MTMR3: variants seen among roughly 807,000 people sequenced by gnomAD.
MTMR3 encodes the protein phosphatidylinositol-3,5-bisphosphate 3-phosphatase MTMR3.
MTMR3 carries 32 observed loss-of-function variants against 132.4 expected under a neutral mutation model. That is an observed-to-expected ratio of 0.24 (90% CI 0.18 to 0.32). The LOEUF (loss-of-function observed/expected upper bound fraction) is 0.32. MTMR3 is among the 10% of genes least tolerant of loss of function. MTMR3 has a pLI of 1.00. For synonymous variants in MTMR3, 556 were observed against 550.3 expected (o/e 1.01, Z -0.14); for missense variants, 1,216 against 1,489.6 (o/e 0.82, Z 3.02).
chr22:29,940,926 T>C (rs1036641909), intron 1 of MTMR3, among the ~76,000 whole-genome samples: 4 of 150,196 alleles, frequency 2.7e-5, no homozygotes, highest in Admixed American at 2.6e-4. Context: ...TTGAAAAATA[T>C]AACACTGACC....
At position 30,008,984 on chromosome 22, in the gene MTMR3, G is replaced by T. The variant is rs777678565; in HGVS notation, c.1010-34G>T. ...TGGCCATGTGGGCTTTAAGTTCAAC[G>T]TATTTGTGTTCTCTTTATTGTTACT... On this transcript the variant is annotated intron_variant, in intron 11 of 19. Coordinates refer to ENST00000401950, the MANE Select transcript of MTMR3 (RefSeq NM_021090.4). 8 of 1,464,816 alleles carry T rather than the reference G, an allele frequency of 5.5e-6. No individual in the cohort carries two copies. In the Admixed American group the frequency reaches 6.7e-5, roughly 12 times the overall value. The allele number at this position is 1,464,816 out of a possible 1,614,324, so 90.7% of individuals were successfully genotyped here.
chr22:29,978,119 A>ACTACCTGTGCACTG (rs2066665605), intron 3 of MTMR3: 2 of 215,070 alleles, frequency 9.3e-6, no homozygotes, highest in Non-Finnish European at 1.9e-5. Context: ...CCTGTGCACT[A>ACTACCTGTGCACTG]CACTACCAGT....
chr22:29,982,435 AGTATTTCAATAAAATATGT>A (rs1036294084), intron 5 of MTMR3: 1 of 152,074 alleles, frequency 6.6e-6, no homozygotes, highest in Non-Finnish European at 1.5e-5. Flanking sequence ...TTAGCAAATA[AGTATTTCAATAAAATATGT>A]GTATTTCAAT....
chr22:29,928,678 T>A (rs1028981183), intron 1 of MTMR3, among the ~76,000 whole-genome samples: 28 of 152,196 alleles, frequency 1.8e-4, no homozygotes, highest in African/African-American at 6.5e-4. Context: ...AAAAAATTTT[T>A]TTTTAAGTTT....
At chr22:29,978,280 A>G (rs1004399381) in intron 3 of MTMR3, 162 bp from the exon 4 acceptor site, 15 of 496,922 alleles carry the variant, frequency 3.0e-5, no homozygotes, top group South Asian at 9.4e-5. Context: ...AATGTATTGG[A>G]TAGAAAAACT....
intron 2 of MTMR3, among the ~76,000 whole-genome samples, chr22:29,969,520 C>G (rs1284334898): frequency 1.3e-5 from 2 of 151,546 alleles, no homozygotes; most frequent in Non-Finnish European, 2.9e-5. Context: ...CAAAATGATT[C>G]TTTTTTTTGT....
At chr22:29,970,293 C>T (rs1002016512) in intron 2 of MTMR3, among the ~76,000 whole-genome samples, 18 of 152,114 alleles carry the variant, frequency 1.2e-4, no homozygotes, top group Non-Finnish European at 2.5e-4. Context: ...ACAAAAACAT[C>T]CTAAAATACT....
rs778606148 is a variant in MTMR3 at position 30,022,160 on chromosome 22, C to T, written c.3336+21C>T. 1.9e-6 allele frequency: 3 copies of T among 1,579,872 alleles called. No homozygotes were observed. In the East Asian group the frequency reaches 6.7e-5, roughly 35 times the overall value. ...CAGAGGTACAGGCTCAGCCCCTGCT[C>T]TGAGTGCCATCAATTTAACTGTTTT... On this transcript the variant is annotated intron_variant, in intron 18 of 19. Transcript: ENST00000401950.
intron 1 of MTMR3, among the ~76,000 whole-genome samples, chr22:29,908,256 A>G (rs920623294): frequency 6.6e-6 from 1 of 152,220 alleles, no homozygotes; most frequent in African/African-American, 2.4e-5. Flanking sequence ...TCAATGCCAT[A>G]TTAGTTTTCT....
chr22:29,960,157 A>G (rs1295633074), intron 2 of MTMR3, among the ~76,000 whole-genome samples: 1 of 152,152 alleles, frequency 6.6e-6, no homozygotes, highest in Non-Finnish European at 1.5e-5. Context: ...TGTTTAATTA[A>G]TATGTGCCCC....
intron 9 of MTMR3, 37 bp from the exon 10 acceptor site, chr22:30,007,077 G>A (rs1344818168): frequency 6.8e-6 from 11 of 1,606,456 alleles, no homozygotes; most frequent in African/African-American, 1.3e-5. Flanking sequence ...GAGAGCATCT[G>A]AATGGGTACA....
At chr22:29,922,360 G>T (rs966197342) in intron 1 of MTMR3, among the ~76,000 whole-genome samples, 1 of 152,172 alleles carries the variant, frequency 6.6e-6, no homozygotes, top group African/African-American at 2.4e-5. Flanking sequence ...TCCATCGTGT[G>T]TAGACTCTAC....
intron 1 of MTMR3, among the ~76,000 whole-genome samples, chr22:29,916,230 A>ATCAG (rs1234441807): frequency 1.3e-5 from 2 of 152,310 alleles, no homozygotes; most frequent in East Asian, 3.9e-4. Flanking sequence ...GGTCTCTTTA[A>ATCAG]TCAGTCAGAA....
At chr22:29,903,390 C>CTTTTTTTTT (rs35625964) in intron 1 of MTMR3, among the ~76,000 whole-genome samples, 1 of 119,708 alleles carries the variant, frequency 8.4e-6, no homozygotes, top group Non-Finnish European at 1.7e-5. Flanking sequence ...CTTTTTCTTT[C>CTTTTTTTTT]TTTTTTTTTT....
At position 30,020,089 on chromosome 22, in the gene MTMR3, T is replaced by C; in HGVS notation, c.2430T>C (p.Leu810=). 6.2e-7 allele frequency: 1 copy of C among 1,614,212 alleles called. No homozygotes were observed. Among genetic ancestry groups the C allele is most frequent in the Non-Finnish European group, 8.5e-7 (1 of 1,180,022 alleles). ...CAGAGGGTAGGGAGGAAGCAGTTCT[T>C]CCAATCCCAGTAGATGCAAAAGTTG... ...EIAEGREEAV[L]PIPVDAKVGY... The change falls in exon 17 of 20, where the codon CTT becomes CTC. Residue 810 remains leucine (L), a synonymous_variant. Transcript: ENST00000401950.
intron 1 of MTMR3, among the ~76,000 whole-genome samples, chr22:29,931,361 A>C (rs947614643): frequency 6.6e-6 from 1 of 152,204 alleles, no homozygotes; most frequent in Non-Finnish European, 1.5e-5. Flanking sequence ...GCTTTGAACA[A>C]AGGAGGACAA....
chr22:29,970,956 C>CT lies in MTMR3; in HGVS notation c.-84-19dup. The CT allele has an allele frequency of 1.2e-6, 1 of 807,608 alleles. No individual in the cohort carries two copies. Among genetic ancestry groups the CT allele is most frequent in the South Asian group, 2.3e-5 (1 of 43,714 alleles). The allele number at this position is 807,608 out of a possible 1,614,324, so 50.0% of individuals were successfully genotyped here. A position where few individuals can be genotyped will look rare whatever the true frequency, so the allele number is the denominator to read the frequency against. ...TCCTCTTTTTTTTTTCTTCTTCCCC[C>CT]TCTTCCCCCCCACCCCCAGACTTCA... On this transcript the variant is annotated intron_variant, in intron 2 of 19. Coordinates refer to ENST00000401950, the MANE Select transcript of MTMR3 (RefSeq NM_021090.4).
At chr22:29,955,067 G>A (rs2066161695) in intron 1 of MTMR3, among the ~76,000 whole-genome samples, 1 of 152,150 alleles carries the variant, frequency 6.6e-6, no homozygotes, top group Non-Finnish European at 1.5e-5. Flanking sequence ...GTGGCTCACT[G>A]CAGCCTTGAC....
At chr22:29,978,316 A>G (rs531115546) in intron 3 of MTMR3, 126 bp from the exon 4 acceptor site, 1 of 628,608 alleles carries the variant, frequency 1.6e-6, no homozygotes, top group East Asian at 2.8e-5. Flanking sequence ...TGTTTCCTTG[A>G]GCTTTTCTGC....
Sources: allele counts gnomAD v4.1 joint callset (sites outside exome capture counted in the v4.1 genomes callset), GRCh38; gene constraint gnomAD v4.1.1; transcripts MANE v1.5; gene names NCBI Gene and HGNC (gene_info 2026-07-23, HGNC 2026-07-21).